The following AMZ1 variants were observed in gnomAD, a reference collection of about 807,000 sequenced individuals.
AMZ1 encodes archaelysin family metallopeptidase 1, also known as archaemetzincin-1.
AMZ1 carries 39 observed loss-of-function variants against 29.9 expected under a neutral mutation model. That is an observed-to-expected ratio of 1.30 (90% CI 1.01 to 1.70). The LOEUF (loss-of-function observed/expected upper bound fraction) is 1.70. Ranked by LOEUF, AMZ1 falls within the 40% of genes most tolerant of loss-of-function variation. The pLI, the probability that AMZ1 is intolerant of heterozygous loss-of-function variation, is 0.00. For synonymous variants in AMZ1, 458 were observed against 304.0 expected (o/e 1.51, Z -5.27); for missense variants, 1,041 against 680.6 (o/e 1.53, Z -5.89).
intron 3 of AMZ1, among the ~76,000 whole-genome samples, chr7:2,704,847 C>T (rs1240402894): frequency 3.9e-5 from 6 of 151,954 alleles, no homozygotes; most frequent in South Asian, 2.1e-4. Context: ...CTGCCTGCCT[C>T]GGTCTCCCAA....
intron 4 of AMZ1, chr7:2,728,599 G>A (rs1189791384): frequency 6.6e-6 from 1 of 152,514 alleles, no homozygotes; most frequent in Non-Finnish European, 1.5e-5. Flanking sequence ...TGCAATAATT[G>A]AGGCACAACT....
upstream of AMZ1, chr7:2,762,702 G>A: frequency 1.3e-6 from 2 of 1,571,668 alleles, no homozygotes; most frequent in South Asian, 1.2e-5. Flanking sequence ...CCCGGGTGGA[G>A]GAGCGCCAGA....
intron 6 of AMZ1, among the ~76,000 whole-genome samples, chr7:2,710,021 C>T (rs941727018): frequency 1.3e-5 from 2 of 152,312 alleles, no homozygotes; most frequent in African/African-American, 2.4e-5. Context: ...TGCCAGGGCC[C>T]GCGTGTGGTG....
chr7:2,738,552 A>G (rs1368833270), intron 4 of AMZ1, among the ~76,000 whole-genome samples: 1 of 152,068 alleles, frequency 6.6e-6, no homozygotes, highest in Non-Finnish European at 1.5e-5. Flanking sequence ...ACTAAAACCC[A>G]TATTCTGCTT....
At chr7:2,724,544 C>T (rs1026010646), downstream of AMZ1, among the ~76,000 whole-genome samples, 1 of 152,182 alleles carries the variant, frequency 6.6e-6, no homozygotes, top group Non-Finnish European at 1.5e-5. Context: ...CTGCACCCTC[C>T]CACCCCACCC....
intron 4 of AMZ1, chr7:2,733,553 T>G: frequency 7.0e-7 from 1 of 1,420,038 alleles, no homozygotes; most frequent in Non-Finnish European, 9.9e-7. Context: ...GGAATCCTGA[T>G]GTGGCAAATA....
At chr7:2,682,215 C>T (rs1475266668) in intron 1 of AMZ1, among the ~76,000 whole-genome samples, 4 of 151,786 alleles carry the variant, frequency 2.6e-5, no homozygotes, top group African/African-American at 9.7e-5. Context: ...GCTTGGCCTC[C>T]CCCCGCTCTT....
rs761630254 is a variant in AMZ1, at chr7:2,731,361, G to C, written n.550+21545G>C. The C allele has an allele frequency of 1.2e-6, 2 of 1,614,032 alleles. No homozygotes were observed. Among genetic ancestry groups the C allele is most frequent in the Non-Finnish European group, 1.7e-6 (2 of 1,179,970 alleles). Reference sequence around the variant, plus strand: ...GGTAGCGCTGGACGTCCTCCAGCCTGTGCGGGTCGCCCCTGAAGTCCGGGA... The same window carrying C: ...GGTAGCGCTGGACGTCCTCCAGCCTCTGCGGGTCGCCCCTGAAGTCCGGGA... On this transcript the variant is annotated intron_variant and non_coding_transcript_variant, in intron 4 of 4. Transcript: ENST00000489665. The surrounding 1 kb of genome is among the most constrained non-coding windows in gnomAD (Gnocchi z 6.0).
intron 4 of AMZ1, among the ~76,000 whole-genome samples, chr7:2,737,289 G>GTTTTT (rs11389467): frequency 3.4e-4 from 21 of 62,300 alleles, no homozygotes; most frequent in African/African-American, 1.0e-3. Flanking sequence ...TTTTTTTTTT[G>GTTTTT]TTTTTTTTTT....
intron 4 of AMZ1, among the ~76,000 whole-genome samples, chr7:2,755,773 A>G (rs1459145530): frequency 6.6e-6 from 1 of 152,216 alleles, no homozygotes; most frequent in Non-Finnish European, 1.5e-5. Flanking sequence ...TTTTTTTTAA[A>G]TGTGAAAAAT....
rs1789034429 is a variant in AMZ1 at position 2,714,972 on chromosome 7, T to C, written c.*2094T>C. 6.6e-6 allele frequency: 1 copy of C among 152,252 alleles called. No individual in the cohort carries two copies. The highest frequency in any genetic ancestry group is 2.4e-5 in the African/African-American group (1 of 41,408). The allele number at this position is 152,252 out of a possible 1,614,324, so 9.4% of individuals were successfully genotyped here. A position where few individuals can be genotyped will look rare whatever the true frequency, so the allele number is the denominator to read the frequency against. On this transcript the variant is annotated 3_prime_UTR_variant, in exon 7 of 7. Coordinates refer to ENST00000683327, the MANE Select transcript of AMZ1 (RefSeq NM_001384743.1). ...ATTAGGACCTTCATCCATACCCTTC[T>C]CTTTTGCATGGCTTCTAAAGGGCAT... is the stretch of plus-strand genomic sequence containing the variant.
chr7:2,737,109 G>T (rs756576133), intron 4 of AMZ1, among the ~76,000 whole-genome samples: 5 of 152,026 alleles, frequency 3.3e-5, no homozygotes, highest in Non-Finnish European at 5.9e-5. Context: ...GAGAGGAAAA[G>T]GTAACCGTGG....
chr7:2,716,707 G>T lies in AMZ1; in HGVS notation c.*3829G>T, dbSNP rs375522781. On this transcript the variant is annotated 3_prime_UTR_variant, in exon 7 of 7. Transcript: ENST00000683327. ...CTCGGAGAGAGGGACCGGCTGCCCTGCCCAAGGCCCACCTGGACAGGCAAG... is the reference window on the plus strand; with the variant it reads ...CTCGGAGAGAGGGACCGGCTGCCCTTCCCAAGGCCCACCTGGACAGGCAAG... Among the ~76,000 whole-genome samples the T allele has an allele frequency of 5.7e-4, 87 of 152,330 alleles. No individual in the cohort carries two copies. The highest frequency in any genetic ancestry group is 1.8e-3 in the African/African-American group (76 of 41,584).
chr7:2,711,018 G>C (rs1788739765), intron 6 of AMZ1, among the ~76,000 whole-genome samples: 1 of 152,114 alleles, frequency 6.6e-6, no homozygotes, highest in African/African-American at 2.4e-5. Context: ...CATCTGACAT[G>C]AACTTTTAGA....
In AMZ1 at chr7:2,716,698, G is replaced by A. The variant is rs553190458; in HGVS notation, c.*3820G>A. Among the ~76,000 whole-genome samples the A allele has an allele frequency of 2.6e-5, 4 of 152,350 alleles. No homozygotes were observed. Among genetic ancestry groups the A allele is most frequent in the East Asian group, 1.9e-4 (1 of 5,188 alleles). On this transcript the variant is annotated 3_prime_UTR_variant, in exon 7 of 7. Transcript: ENST00000683327. Reference sequence around the variant, plus strand: ...CGGCCAGGCCTCGGAGAGAGGGACCGGCTGCCCTGCCCAAGGCCCACCTGG... The same window carrying A: ...CGGCCAGGCCTCGGAGAGAGGGACCAGCTGCCCTGCCCAAGGCCCACCTGG...
At chr7:2,730,406 C>G (rs1244879378) in intron 4 of AMZ1, 1 of 152,522 alleles carries the variant, frequency 6.6e-6, no homozygotes, top group South Asian at 2.1e-4. Flanking sequence ...GGCATCCTGT[C>G]TCACTCCGTG....
At chr7:2,755,676 CA>C (rs1469248478) in intron 4 of AMZ1, among the ~76,000 whole-genome samples, 4 of 152,156 alleles carry the variant, frequency 2.6e-5, no homozygotes, top group Non-Finnish European at 5.9e-5. Context: ...TGCCATCTGC[CA>C]ACAGGAACAG....
chr7:2,744,593 A>C (rs1006388011), intron 4 of AMZ1, among the ~76,000 whole-genome samples: 1 of 152,142 alleles, frequency 6.6e-6, no homozygotes, highest in Non-Finnish European at 1.5e-5. Context: ...AAAACTGGAA[A>C]CTCTAAAAAT....
At chr7:2,721,121 T>G (rs186990361), downstream of AMZ1, among the ~76,000 whole-genome samples, 11 of 152,236 alleles carry the variant, frequency 7.2e-5, no homozygotes, top group Admixed American at 2.0e-4. Flanking sequence ...GAAGACACAC[T>G]GGGTGGCGCG....
Sources: allele counts gnomAD v4.1 joint callset (sites outside exome capture counted in the v4.1 genomes callset), GRCh38; gene constraint gnomAD v4.1.1; non-coding constraint Gnocchi (gnomAD v3.1); transcripts MANE v1.5; gene names NCBI Gene and HGNC (gene_info 2026-07-23, HGNC 2026-07-21).